The following MARF1 variants were observed in gnomAD, a reference collection of about 807,000 sequenced individuals.
MARF1 encodes the protein meiosis regulator and mRNA stability factor 1, also known as limkain-b1.
A neutral mutation model predicts 168.2 loss-of-function variants in MARF1; 24 were observed. The ratio of observed to expected loss-of-function variants is 0.14; its 90% CI spans 0.10 to 0.20. The LOEUF is 0.20. Ranked by LOEUF, MARF1 falls within the 10% of genes least tolerant of loss-of-function variation. The probability of loss-of-function intolerance (pLI) is 1.00; values close to 1 mark genes in which losing one functional copy is unlikely to be tolerated. For synonymous variants in MARF1, 868 were observed against 822.4 expected (o/e 1.06, Z -0.95); for missense variants, 1,744 against 2,143.6 (o/e 0.81, Z 3.68).
At chr16:15,620,120 G>T (rs916153842) in intron 13 of MARF1, among the ~76,000 whole-genome samples, 2 of 152,240 alleles carry the variant, frequency 1.3e-5, no homozygotes, top group Non-Finnish European at 2.9e-5. Flanking sequence ...AGTTGAGATT[G>T]TGCCACTGCA....
intron 12 of MARF1, chr16:15,621,455 A>T: frequency 2.4e-6 from 1 of 414,210 alleles, no homozygotes; most frequent in Non-Finnish European, 4.3e-6. Context: ...ATAAACTTTT[A>T]TTGTAGGGGT....
At chr16:15,609,927 A>T (rs1399413279) in intron 19 of MARF1, among the ~76,000 whole-genome samples, 11 of 152,182 alleles carry the variant, frequency 7.2e-5, no homozygotes, top group Admixed American at 7.2e-4. Context: ...AACACCAGGA[A>T]GTTATGATAT....
intron 1 of MARF1, chr16:15,642,310 C>T (rs1249081887): frequency 1.3e-5 from 2 of 152,134 alleles, no homozygotes; most frequent in African/African-American, 2.4e-5. Flanking sequence ...ACAGCAGAGA[C>T]TATGTTTTCT....
At chr16:15,613,439 G>A (rs1052049535) in intron 16 of MARF1, among the ~76,000 whole-genome samples, 2 of 151,836 alleles carry the variant, frequency 1.3e-5, no homozygotes, top group African/African-American at 2.4e-5. Flanking sequence ...CACGAGGTCA[G>A]GAGATCGAGA....
chr16:15,597,081 G>A (rs1485815723), intron 26 of MARF1, 144 bp from the exon 27 acceptor site: 4 of 875,110 alleles, frequency 4.6e-6, no homozygotes, highest in Non-Finnish European at 6.6e-6. Context: ...GTTTACATAT[G>A]AGTTGTGTGG....
At chr16:15,601,724 G>A in intron 23 of MARF1, 1 of 548,032 alleles carries the variant, frequency 1.8e-6, no homozygotes, top group South Asian at 2.2e-5. Context: ...CTGCTTGGGG[G>A]TCTTGACTCT....
intron 7 of MARF1, 66 bp downstream of exon 7, chr16:15,630,266 T>A (rs2035160713): frequency 1.4e-6 from 2 of 1,468,128 alleles, no homozygotes; most frequent in African/African-American, 2.8e-5. Context: ...CCCCTTATTA[T>A]GGGCTGTCTT....
chr16:15,620,441 C>A lies in MARF1; in HGVS notation c.2720+10G>T. 1 of 1,583,190 alleles carries A rather than the reference C, an allele frequency of 6.3e-7. No individual in the cohort carries two copies. The highest frequency in any genetic ancestry group is 8.7e-7 in the Non-Finnish European group (1 of 1,153,326). ...ACTGACTGGATAAAGAAAAAATATA[C>A]CTAACTTACTTTTTTTCATAGATAT... On this transcript the variant is annotated intron_variant, in intron 13 of 26. Coordinates refer to ENST00000396368, the MANE Select transcript of MARF1 (RefSeq NM_014647.4).
At chr16:15,624,658 GACTT>G in intron 10 of MARF1, 107 bp downstream of exon 10, 2 of 1,003,522 alleles carry the variant, frequency 2.0e-6, no homozygotes, top group South Asian at 1.5e-5. Context: ...AGTGATGGGA[GACTT>G]ACTTTGTGCA....
At chr16:15,624,145 T>A (rs562648141) in intron 10 of MARF1, among the ~76,000 whole-genome samples, 17 of 152,054 alleles carry the variant, frequency 1.1e-4, no homozygotes, top group Admixed American at 9.2e-4. Flanking sequence ...GGTCTTGATC[T>A]CCTAACCTCA....
At chr16:15,600,899 G>A in intron 23 of MARF1, 198 bp from the exon 24 acceptor site, 1 of 709,338 alleles carries the variant, frequency 1.4e-6, no homozygotes, top group Non-Finnish European at 2.6e-6. Flanking sequence ...CCTATAAAAA[G>A]CAGAGTAGTT....
In MARF1 at chr16:15,604,250, G is replaced by A. The variant is rs1368474344; in HGVS notation, c.4331C>T (p.Thr1444Ile). 6.2e-7 allele frequency: 1 copy of A among 1,614,164 alleles called. No individual in the cohort carries two copies. The highest frequency in any genetic ancestry group is 1.1e-5 in the South Asian group (1 of 91,078). Reference protein sequence around the residue: ...VEELKRHYESTHNTPLNPCEY... With the variant: ...VEELKRHYESIHNTPLNPCEY... Reference sequence around the variant, plus strand: ...ACAGGGGTTAAGGGGAGTGTTGTGGGTACTTTCGTAATGTCTCTTGAGCTC... The same window carrying A: ...ACAGGGGTTAAGGGGAGTGTTGTGGATACTTTCGTAATGTCTCTTGAGCTC... Residue 1444 changes from threonine (T) to isoleucine (I), a missense_variant, in exon 22 of 27, where the codon ACC (threonine) becomes ATC (isoleucine). This residue lies in a region of MARF1 where 74 missense variants were observed against 66.7 expected (regional missense o/e 1.11). Transcript: ENST00000396368.
At chr16:15,635,596 T>C (rs761051994) in intron 3 of MARF1, 60 bp downstream of exon 3, 2 of 1,394,332 alleles carry the variant, frequency 1.4e-6, no homozygotes, top group Non-Finnish European at 2.0e-6. Context: ...ATAAATCCAC[T>C]TCAAAAGTCA....
chr16:15,625,846 C>T (rs768290579), intron 7 of MARF1, 46 bp from the exon 8 acceptor site: 26 of 1,479,828 alleles, frequency 1.8e-5, no homozygotes, highest in Non-Finnish European at 2.4e-5. Flanking sequence ...TTCAAGGGCA[C>T]ACATTCAATT....
chr16:15,641,813 C>T (rs1044396044), intron 1 of MARF1, among the ~76,000 whole-genome samples: 1 of 152,130 alleles, frequency 6.6e-6, no homozygotes, highest in Non-Finnish European at 1.5e-5. Context: ...TCAATACAAG[C>T]GATTAAAAGT....
chr16:15,639,229 A>C lies in MARF1; in HGVS notation c.5T>G (p.Met2Arg), dbSNP rs1352245582. 3 of 1,613,250 alleles carry C rather than the reference A, an allele frequency of 1.9e-6. No homozygotes were observed. In the Admixed American group the frequency reaches 5.0e-5, roughly 27 times the overall value. Residue 2 changes from methionine to arginine, a missense_variant, in exon 2 of 27, where the codon ATG becomes AGG. Met to Arg is a moderately conservative substitution (Grantham distance 91). This residue lies in a region of MARF1 where 318 missense variants were observed against 336.6 expected (regional missense o/e 0.94). Transcript: ENST00000396368. Reference sequence around the variant, plus strand: ...GGAGTTCTCAGTTCCGTTTCCTTCCATCATACAGCCATGCAAAGTGATTCA... The same window carrying C: ...GGAGTTCTCAGTTCCGTTTCCTTCCCTCATACAGCCATGCAAAGTGATTCA... M[M>R]EGNGTENSCS...
At chr16:15,642,285 G>A (rs2036048478) in intron 1 of MARF1, among the ~76,000 whole-genome samples, 1 of 151,910 alleles carries the variant, frequency 6.6e-6, no homozygotes, top group African/African-American at 2.4e-5. Flanking sequence ...CCCCCATTAG[G>A]CTATAAACTC....
In MARF1 at chr16:15,636,270, T is replaced by C. The variant is rs2035592911; in HGVS notation, c.217A>G (p.Lys73Glu). The change falls in exon 3 of 27, where the codon AAG becomes GAG. Residue 73 changes from lysine (K) to glutamate (E), a missense_variant. Coordinates refer to ENST00000396368, the MANE Select transcript of MARF1 (RefSeq NM_014647.4). ...DVPSPLHAGS[K>E]LFPAVPLPDI... ...GGAAGTGGGACTGCTGGAAAAAGCT[T>C]AGAGCCAGCATGAAGGGGTGATGGT... The C allele has an allele frequency of 6.2e-7, 1 of 1,613,342 alleles. No individual in the cohort carries two copies. The highest frequency in any genetic ancestry group is 8.5e-7 in the Non-Finnish European group (1 of 1,179,584).
At chr16:15,621,610 C>T in intron 12 of MARF1, 123 bp downstream of exon 12, 1 of 905,226 alleles carries the variant, frequency 1.1e-6, no homozygotes, top group Non-Finnish European at 1.7e-6. Flanking sequence ...CTAGAATAAG[C>T]ATTATTCCAC....
Sources: gnomAD v4.1 joint callset for allele counts (sites outside exome capture counted in the v4.1 genomes callset) on GRCh38, gnomAD v4.1.1 for gene constraint, gnomAD v4.1.1 regional missense constraint, MANE v1.5 for transcripts, NCBI Gene and HGNC (gene_info 2026-07-23, HGNC 2026-07-21) for gene names.